Variants in POT1 observed in about 807,000 individuals in gnomAD.
POT1 encodes protection of telomeres 1, also known as protection of telomeres protein 1.
POT1 carries 47 observed loss-of-function variants against 78.5 expected under a neutral mutation model. The ratio of observed to expected loss-of-function variants is 0.60; its 90% CI spans 0.47 to 0.76. The LOEUF (loss-of-function observed/expected upper bound fraction) is 0.76. POT1 is among the 30% of genes least tolerant of loss of function. POT1 has a pLI of 0.00. For missense variants in POT1, 646 were observed against 749.9 expected (o/e 0.86, Z 1.62); for synonymous variants, 259 against 260.7 (o/e 0.99, Z 0.06).
chr7:124,901,191 A>T (rs1031530321), intron 3 of POT1, among the ~76,000 whole-genome samples: 1 of 152,164 alleles, frequency 6.6e-6, no homozygotes, highest in Non-Finnish European at 1.5e-5. Flanking sequence ...AAATGGACAG[A>T]TTGCCTCCTC....
chr7:124,868,699 C>A (rs551080970), intron 7 of POT1, among the ~76,000 whole-genome samples: 23 of 149,052 alleles, frequency 1.5e-4, no homozygotes, highest in African/African-American at 5.1e-4. Flanking sequence ...GAATATAATT[C>A]AATATATATA....
At chr7:124,857,623 C>T (rs1039956682) in intron 9 of POT1, among the ~76,000 whole-genome samples, 2 of 152,138 alleles carry the variant, frequency 1.3e-5, no homozygotes, top group African/African-American at 4.8e-5. Flanking sequence ...GATGGTGTAA[C>T]CTGGGAGAAG....
At chr7:124,876,353 CAT>C (rs1795990510) in intron 6 of POT1, among the ~76,000 whole-genome samples, 1 of 151,404 alleles carries the variant, frequency 6.6e-6, no homozygotes, top group Non-Finnish European at 1.5e-5. Context: ...GGTCTGGACT[CAT>C]ATAGTAAAAG....
intron 2 of POT1, among the ~76,000 whole-genome samples, chr7:124,923,816 A>T (rs997073502): frequency 1.3e-5 from 2 of 151,840 alleles, no homozygotes; most frequent in Non-Finnish European, 2.9e-5. Context: ...TAAAGAAAAC[A>T]TTATAAAACT....
chr7:124,835,458 T>C (rs751024635), intron 14 of POT1, 44 bp from the exon 15 acceptor site: 2 of 1,588,272 alleles, frequency 1.3e-6, no homozygotes, highest in East Asian at 2.2e-5. Context: ...GCAAATAAAA[T>C]GTAGACAAGT....
rs550204435 is a variant in POT1, at chr7:124,830,654, A to C, written c.1506-1312T>G. 1.8e-4 allele frequency among the ~76,000 whole-genome samples: 28 copies of C among 152,188 alleles called. No homozygotes were observed. In the South Asian group the frequency reaches 5.8e-3, roughly 32 times the overall value. On this transcript the variant is annotated intron_variant, in intron 15 of 18. Transcript: ENST00000357628. ...ACAGAAAAAATTAGAAACATAAACT[A>C]AATATATCAATAACTTAAGAACATA...
At chr7:124,826,657 G>A (rs1347704178) in intron 17 of POT1, among the ~76,000 whole-genome samples, 4 of 152,148 alleles carry the variant, frequency 2.6e-5, no homozygotes, top group African/African-American at 4.8e-5. Context: ...TGGATCATGA[G>A]GTCAGGAGTT....
At chr7:124,893,772 T>C (rs1414423227) in intron 5 of POT1, among the ~76,000 whole-genome samples, 1 of 151,540 alleles carries the variant, frequency 6.6e-6, no homozygotes, top group East Asian at 1.9e-4. Flanking sequence ...ACTAATGACT[T>C]ACTAATCCCA....
intron 9 of POT1, among the ~76,000 whole-genome samples, chr7:124,857,352 T>C (rs752855744): frequency 7.2e-5 from 11 of 152,230 alleles, no homozygotes; most frequent in Non-Finnish European, 1.2e-4. Context: ...AGGGAAATTC[T>C]ACGCAGAAGA....
chr7:124,927,989 G>T (rs767529765), intron 2 of POT1, among the ~76,000 whole-genome samples: 11 of 152,022 alleles, frequency 7.2e-5, no homozygotes, highest in Non-Finnish European at 1.0e-4. Context: ...CAGGCAAATT[G>T]CTTAACCTTT....
At chr7:124,918,218 T>C (rs1407532738) in intron 2 of POT1, among the ~76,000 whole-genome samples, 1 of 152,172 alleles carries the variant, frequency 6.6e-6, no homozygotes, top group Non-Finnish European at 1.5e-5. Context: ...GCAGTCTCTC[T>C]GAAAACCAGA....
At chr7:124,853,756 A>G (rs1016621993) in intron 9 of POT1, among the ~76,000 whole-genome samples, 2 of 152,128 alleles carry the variant, frequency 1.3e-5, no homozygotes, top group African/African-American at 4.8e-5. Context: ...TTTTGAATTA[A>G]ATGTTCTATA....
chr7:124,919,230 A>G (rs1031275631), intron 2 of POT1, among the ~76,000 whole-genome samples: 2 of 152,180 alleles, frequency 1.3e-5, no homozygotes, highest in African/African-American at 4.8e-5. Flanking sequence ...AAGGTAGAGT[A>G]AAAACACAAT....
chr7:124,923,467 G>A (rs760054610), intron 2 of POT1, among the ~76,000 whole-genome samples: 8 of 151,488 alleles, frequency 5.3e-5, no homozygotes, highest in African/African-American at 1.5e-4. Context: ...GAAATAATGC[G>A]GTCAGGCAAA....
chr7:124,847,514 A>G (rs904995503), intron 11 of POT1, among the ~76,000 whole-genome samples: 6 of 152,232 alleles, frequency 3.9e-5, no homozygotes, highest in Admixed American at 1.3e-4. Context: ...CAAACAAACA[A>G]ATAGCAGAGG....
intron 6 of POT1, 109 bp downstream of exon 6, chr7:124,892,157 T>C (rs1308835830): frequency 4.8e-6 from 3 of 628,308 alleles, no homozygotes; most frequent in African/African-American, 1.9e-5. Context: ...TTGGCAATTA[T>C]AGGTCAGAAC....
intron 2 of POT1, among the ~76,000 whole-genome samples, chr7:124,922,357 C>T (rs991547688): frequency 1.3e-5 from 2 of 151,922 alleles, no homozygotes; most frequent in South Asian, 2.1e-4. Context: ...TATACTTTTT[C>T]CTTCTTTTAA....
At chr7:124,875,465 T>C (rs868844577) in intron 6 of POT1, among the ~76,000 whole-genome samples, 7 of 152,196 alleles carry the variant, frequency 4.6e-5, no homozygotes, top group South Asian at 2.1e-4. Flanking sequence ...ACACCATCTT[T>C]TGAGTTTCTT....
chr7:124,830,867 T>G (rs1794742921), intron 15 of POT1, among the ~76,000 whole-genome samples: 1 of 151,994 alleles, frequency 6.6e-6, no homozygotes, highest in Admixed American at 6.6e-5. Context: ...TGGAATACAC[T>G]AGAAGTATGG....
Sources: allele counts gnomAD v4.1 joint callset (sites outside exome capture counted in the v4.1 genomes callset), GRCh38; gene constraint gnomAD v4.1.1; transcripts MANE v1.5; gene names NCBI Gene and HGNC (gene_info 2026-07-23, HGNC 2026-07-21).